The following MEGF11 variants were observed in gnomAD, a reference collection of about 807,000 sequenced individuals.
MEGF11 encodes multiple epidermal growth factor-like domains protein 11.
A neutral mutation model predicts 146.6 loss-of-function variants in MEGF11; 126 were observed. The ratio of observed to expected loss-of-function variants is 0.86; its 90% CI spans 0.74 to 1.00. MEGF11 has a LOEUF of 1.00. Ranked by LOEUF, MEGF11 falls within the 50% of genes least tolerant of loss-of-function variation. The pLI, the probability that MEGF11 is intolerant of heterozygous loss-of-function variation, is 0.00. For synonymous variants in MEGF11, 532 were observed against 583.4 expected (o/e 0.91, Z 1.27); for missense variants, 1,509 against 1,521.2 (o/e 0.99, Z 0.13).
intron 10 of MEGF11, among the ~76,000 whole-genome samples, chr15:65,955,793 TACACACACACACACACACACA>T (rs2080598878): frequency 7.4e-4 from 5 of 6,774 alleles, no homozygotes; most frequent in East Asian, 5.7e-3. Context: ...TATATATATA[TACACACACACACACACACACA>T]ATACTTTAAA....
At chr15:65,941,287 G>C in intron 10 of MEGF11, among the ~76,000 whole-genome samples, 1 of 152,002 alleles carries the variant, frequency 6.6e-6, no homozygotes, top group East Asian at 1.9e-4. Flanking sequence ...GTCGTGGCAG[G>C]CATCTGTAAT....
At chr15:66,090,467 T>C (rs1009475393) in intron 5 of MEGF11, among the ~76,000 whole-genome samples, 2 of 152,244 alleles carry the variant, frequency 1.3e-5, no homozygotes, top group African/African-American at 4.8e-5. Flanking sequence ...GAAACCGATT[T>C]GAGGTTATAT....
chr15:65,959,313 T>C (rs2080774093), intron 9 of MEGF11, among the ~76,000 whole-genome samples: 1 of 152,178 alleles, frequency 6.6e-6, no homozygotes, highest in Admixed American at 6.5e-5. Flanking sequence ...AAGCTGTTTC[T>C]CTTCTAGGGA....
At chr15:66,108,143 C>T (rs1176090106) in intron 4 of MEGF11, among the ~76,000 whole-genome samples, 2 of 152,210 alleles carry the variant, frequency 1.3e-5, no homozygotes, top group African/African-American at 4.8e-5. Context: ...GGGTGGGATG[C>T]AGAGGCTCAG....
intron 3 of MEGF11, among the ~76,000 whole-genome samples, chr15:66,120,428 A>T (rs1440326724): frequency 6.6e-6 from 1 of 152,184 alleles, no homozygotes; most frequent in South Asian, 2.1e-4. Flanking sequence ...ATCAGCACCC[A>T]AGGGGAGCTT....
chr15:66,157,364 A>G lies in MEGF11; in HGVS notation c.-8-28953T>C, dbSNP rs2089797581. ...AGCTCTGTTCTAATTAGTCAAAGTG[A>G]GCAAGGGAGTGCAAGGTCCTGACCT... On this transcript the variant is annotated intron_variant, in intron 1 of 25. Coordinates refer to ENST00000395614, the MANE Select transcript of MEGF11 (RefSeq NM_001385028.1). Among the ~76,000 whole-genome samples the G allele has an allele frequency of 2.6e-5, 4 of 152,226 alleles. 1 individual carries two copies. In the South Asian group the frequency reaches 8.3e-4, roughly 31 times the overall value.
In MEGF11 at chr15:66,166,913, G is replaced by T. The variant is rs551960361; in HGVS notation, c.-8-38502C>A. ...TTTCGATTCTTACAGCTACAGGGTGGAGAACACAGCAGAGTCAGGCCAAAC... is the reference window on the plus strand; with the variant it reads ...TTTCGATTCTTACAGCTACAGGGTGTAGAACACAGCAGAGTCAGGCCAAAC... On this transcript the variant is annotated intron_variant, in intron 1 of 25. Coordinates refer to ENST00000395614, the MANE Select transcript of MEGF11 (RefSeq NM_001385028.1). 1.8e-4 allele frequency among the ~76,000 whole-genome samples: 28 copies of T among 152,268 alleles called. 1 individual carries two copies. Among genetic ancestry groups the T allele is most frequent in the African/African-American group, 5.8e-4 (24 of 41,560 alleles).
chr15:66,199,896 A>G (rs1213849932), intron 1 of MEGF11, among the ~76,000 whole-genome samples: 1 of 149,428 alleles, frequency 6.7e-6, no homozygotes, highest in East Asian at 2.0e-4. Context: ...AATATCTACC[A>G]GTAGGGGTTT....
intron 5 of MEGF11, among the ~76,000 whole-genome samples, chr15:66,009,945 C>A (rs1260914894): frequency 6.6e-6 from 1 of 152,092 alleles, no homozygotes; most frequent in Non-Finnish European, 1.5e-5. Context: ...GCTTGAATGA[C>A]TTTGTCCAAA....
At chr15:66,121,107 C>T (rs1338015065) in intron 3 of MEGF11, among the ~76,000 whole-genome samples, 2 of 152,146 alleles carry the variant, frequency 1.3e-5, no homozygotes, top group Non-Finnish European at 2.9e-5. Context: ...AATAATTTAG[C>T]AAAATAATTC....
chr15:66,011,542 T>C (rs1427112121), intron 5 of MEGF11, among the ~76,000 whole-genome samples: 1 of 151,956 alleles, frequency 6.6e-6, no homozygotes, highest in Admixed American at 6.6e-5. Flanking sequence ...TCAGCAAGCC[T>C]CCAGTGACCC....
Position 66,073,198 on chromosome 15 carries a change from G to A in MEGF11, c.394+21204C>T, listed in dbSNP as rs118093829. Reference sequence around the variant, plus strand: ...AATGGCGAGGCCTCTGGTGTGAGGTGGCGAGGCCTCTGGTGTGAGGAATTT... The same window carrying A: ...AATGGCGAGGCCTCTGGTGTGAGGTAGCGAGGCCTCTGGTGTGAGGAATTT... On this transcript the variant is annotated intron_variant, in intron 5 of 25. Coordinates refer to ENST00000395614, the MANE Select transcript of MEGF11 (RefSeq NM_001385028.1). Among the ~76,000 whole-genome samples, 828 of 152,260 alleles carry A rather than the reference G, an allele frequency of 5.4e-3. 4 individuals are homozygous for A. Among genetic ancestry groups the A allele is most frequent in the Non-Finnish European group, 9.6e-3 (655 of 67,998 alleles).
chr15:66,214,226 G>C (rs1215979474), intron 1 of MEGF11, among the ~76,000 whole-genome samples: 2 of 151,992 alleles, frequency 1.3e-5, no homozygotes, highest in East Asian at 1.9e-4. Context: ...GTAGAGACAG[G>C]GTTTCACCAT....
In MEGF11 at chr15:66,003,754, A is replaced by G. The variant is rs2082434992; in HGVS notation, c.395-21266T>C. On this transcript the variant is annotated intron_variant, in intron 5 of 25. Transcript: ENST00000395614. ...CCAGGTGCATGACGGCCTGGCATTC[A>G]AAGCCCTCAGTGCTCAGGCCCAGCC... 3.9e-5 allele frequency among the ~76,000 whole-genome samples: 6 copies of G among 152,230 alleles called. No homozygotes were observed. In the South Asian group the frequency reaches 1.2e-3, roughly 32 times the overall value.
intron 5 of MEGF11, among the ~76,000 whole-genome samples, chr15:66,083,831 T>A (rs2085994055): frequency 2.0e-5 from 3 of 152,152 alleles, no homozygotes; most frequent in Admixed American, 2.0e-4. Context: ...GCCACAGGAT[T>A]GCTTGAGCCT....
intron 3 of MEGF11, among the ~76,000 whole-genome samples, chr15:66,123,558 G>A (rs1489347854): frequency 6.6e-6 from 1 of 152,152 alleles, no homozygotes; most frequent in African/African-American, 2.4e-5. Context: ...CGGCAACTGG[G>A]GTTCCATCAC....
At chr15:66,040,068 A>G (rs2083902430) in intron 5 of MEGF11, among the ~76,000 whole-genome samples, 2 of 152,186 alleles carry the variant, frequency 1.3e-5, no homozygotes, top group African/African-American at 2.4e-5. Flanking sequence ...CAGTGTCCGA[A>G]CTGCTGGTCT....
chr15:66,200,385 T>C (rs919867156), intron 1 of MEGF11, among the ~76,000 whole-genome samples: 3 of 152,244 alleles, frequency 2.0e-5, no homozygotes, highest in African/African-American at 7.2e-5. Context: ...TGTTTTGAAA[T>C]CTGAATTGTA....
chr15:66,115,646 T>C (rs2087688621), intron 4 of MEGF11, among the ~76,000 whole-genome samples: 1 of 151,920 alleles, frequency 6.6e-6, no homozygotes, highest in Non-Finnish European at 1.5e-5. Flanking sequence ...AGATTTCCTA[T>C]GTTAAAGTCT....
Sources: gnomAD v4.1 joint callset for allele counts (sites outside exome capture counted in the v4.1 genomes callset) on GRCh38, gnomAD v4.1.1 for gene constraint, MANE v1.5 for transcripts, NCBI Gene and HGNC (gene_info 2026-07-23, HGNC 2026-07-21) for gene names.